The following IFNAR1 variants were observed in gnomAD, a reference collection of about 807,000 sequenced individuals.
IFNAR1 encodes interferon alpha/beta receptor 1.
A neutral mutation model predicts 62.1 loss-of-function variants in IFNAR1; 47 were observed. That is an observed-to-expected ratio of 0.76 (90% CI 0.60 to 0.97). The LOEUF (loss-of-function observed/expected upper bound fraction) is 0.97, where lower values mean the gene tolerates loss of function less well. IFNAR1 is among the 50% of genes least tolerant of loss of function. The pLI is 0.00. For missense variants in IFNAR1, 638 were observed against 654.5 expected, an observed-to-expected ratio of 0.97 and a Z score of 0.27; for synonymous variants, 219 against 226.9, an observed-to-expected ratio of 0.97 and a Z score of 0.31.
At chr21:33,342,025 A>G (rs1043939439) in intron 3 of IFNAR1, among the ~76,000 whole-genome samples, 6 of 152,162 alleles carry the variant, frequency 3.9e-5, no homozygotes, top group Non-Finnish European at 7.3e-5. Flanking sequence ...TGGATTGAAA[A>G]CTTTACCAGT....
At chr21:33,342,716 G>C (rs1390854327) in intron 3 of IFNAR1, among the ~76,000 whole-genome samples, 2 of 150,394 alleles carry the variant, frequency 1.3e-5, no homozygotes, top group African/African-American at 4.9e-5. Context: ...AACTAGCCGG[G>C]CATGGTGGCG....
At position 33,359,793 on chromosome 21, in the gene IFNAR1, A is replaced by G. The variant is rs2123287924; in HGVS notation, c.*4244A>G. The stretch of plus-strand genomic sequence containing the variant: ...TTTTACAGTGGACAAGGACACAAAT[A>G]ATAAATAAATCATCCCTAATGCCCA... On this transcript the variant is annotated 3_prime_UTR_variant, in exon 11 of 11. Coordinates refer to ENST00000270139, the MANE Select transcript of IFNAR1 (RefSeq NM_000629.3). The G allele has an allele frequency of 6.6e-6, 1 of 152,294 alleles. No homozygotes were observed. The highest frequency in any genetic ancestry group is 2.1e-4 in the South Asian group (1 of 4,828). 9.4% of individuals were successfully genotyped at this position (152,294 alleles called of 1,614,324 possible). A position where few individuals can be genotyped will look rare whatever the true frequency, so the allele number is the denominator to read the frequency against.
intron 8 of IFNAR1, among the ~76,000 whole-genome samples, chr21:33,351,257 G>A (rs570220176): frequency 2.0e-5 from 3 of 152,296 alleles, no homozygotes; most frequent in South Asian, 4.1e-4. Context: ...CCACCAGACC[G>A]TAGATGCTGG....
chr21:33,347,794 G>A (rs544587997), intron 6 of IFNAR1, among the ~76,000 whole-genome samples: 23 of 152,274 alleles, frequency 1.5e-4, no homozygotes, highest in African/African-American at 5.5e-4. Context: ...CAGGAATCTT[G>A]GGGGCCATCT....
chr21:33,328,070 C>T (rs940314015), intron 1 of IFNAR1, among the ~76,000 whole-genome samples: 2 of 152,172 alleles, frequency 1.3e-5, no homozygotes, highest in Non-Finnish European at 2.9e-5. Context: ...AACACAAATT[C>T]GTAAACTTTC....
chr21:33,331,930 C>T (rs1463343825), intron 1 of IFNAR1, among the ~76,000 whole-genome samples: 2 of 152,188 alleles, frequency 1.3e-5, no homozygotes, highest in African/African-American at 2.4e-5. Context: ...GAAGCACCTC[C>T]AGGTCACAAA....
chr21:33,352,033 G>A (rs992135604), intron 8 of IFNAR1, among the ~76,000 whole-genome samples: 5 of 152,046 alleles, frequency 3.3e-5, no homozygotes, highest in Admixed American at 1.3e-4. Flanking sequence ...ACAGATAGCA[G>A]CAATAACTGT....
Position 33,349,454 on chromosome 21 carries a change from G to A in IFNAR1, c.1054G>A (p.Ala352Thr), listed in dbSNP as rs1465600148. Residue 352 changes from alanine (A) to threonine (T), a missense_variant, in exon 8 of 11, where the codon GCT (alanine) becomes ACT (threonine). Ala to Thr is a moderately conservative substitution (Grantham distance 58). Coordinates refer to ENST00000270139, the MANE Select transcript of IFNAR1 (RefSeq NM_000629.3). ...TGATTCATTCCATATCTATATCGGT[G>A]CTCCAAAACAGTCTGGAAACACGCC... Reference protein sequence around the residue: ...LSDSFHIYIGAPKQSGNTPVI... With the variant: ...LSDSFHIYIGTPKQSGNTPVI... The A allele has an allele frequency of 6.2e-7, 1 of 1,610,818 alleles. No individual in the cohort carries two copies. Among genetic ancestry groups the A allele is most frequent in the East Asian group, 2.2e-5 (1 of 44,838 alleles).
Position 33,343,276 on chromosome 21 carries a change from G to C in IFNAR1, c.385G>C (p.Gly129Arg). ...SFTPFRKAQI[G>R]PPEVHLEAED... ...TTTTGATTTTTTTGCAGCTCAGATTGGTCCTCCAGAAGTACATTTAGAAGC... is the reference window on the plus strand; with the variant it reads ...TTTTGATTTTTTTGCAGCTCAGATTCGTCCTCCAGAAGTACATTTAGAAGC... Residue 129 changes from glycine to arginine, a missense_variant, in exon 4 of 11, where the codon GGT becomes CGT. Gly to Arg is a moderately radical substitution (Grantham distance 125, BLOSUM62 -2). Coordinates refer to ENST00000270139, the MANE Select transcript of IFNAR1 (RefSeq NM_000629.3). 6.2e-7 allele frequency: 1 copy of C among 1,610,794 alleles called. No individual in the cohort carries two copies. Among genetic ancestry groups the C allele is most frequent in the East Asian group, 2.2e-5 (1 of 44,842 alleles).
chr21:33,329,566 T>G (rs532026845), intron 1 of IFNAR1, among the ~76,000 whole-genome samples: 1 of 152,114 alleles, frequency 6.6e-6, no homozygotes, highest in Non-Finnish European at 1.5e-5. Context: ...GTTAAGAAAG[T>G]TCTATACAAG....
intron 2 of IFNAR1, among the ~76,000 whole-genome samples, chr21:33,337,946 TAG>T (rs1013082525): frequency 3.9e-5 from 6 of 152,128 alleles, no homozygotes; most frequent in Non-Finnish European, 5.9e-5. Flanking sequence ...CTATTTTAGG[TAG>T]AGAAGGAATT....
At chr21:33,338,213 C>A (rs1361896651) in intron 2 of IFNAR1, among the ~76,000 whole-genome samples, 1 of 151,900 alleles carries the variant, frequency 6.6e-6, no homozygotes, top group Non-Finnish European at 1.5e-5. Context: ...ATATTGTCTC[C>A]CCGCAGTCAG....
At chr21:33,335,226 C>T in intron 1 of IFNAR1, 1 of 442,208 alleles carries the variant, frequency 2.3e-6, no homozygotes. Flanking sequence ...ATCGGTGTCA[C>T]TTCTAAGACC....
rs752545951 is a variant in IFNAR1 at position 33,325,033 on chromosome 21, G to A, written c.-23G>A. 1.3e-6 allele frequency: 2 copies of A among 1,577,822 alleles called. No individual in the cohort carries two copies. The highest frequency in any genetic ancestry group is 2.7e-5 in the African/African-American group (2 of 74,288). On this transcript the variant is annotated 5_prime_UTR_variant, in exon 1 of 11. In the 5' UTR this introduces an upstream ATG that the reference lacks. Transcript: ENST00000270139. ...CTGCGCGTGCGCGAACATGTAACTG[G>A]TGGGATCTGCGGCGGCTCCCAGATG...
At chr21:33,352,002 T>G (rs1038313636) in intron 8 of IFNAR1, among the ~76,000 whole-genome samples, 8 of 152,034 alleles carry the variant, frequency 5.3e-5, no homozygotes, top group Non-Finnish European at 8.8e-5. Flanking sequence ...TTAGACATTA[T>G]TCTGGCGATA....
intron 2 of IFNAR1, among the ~76,000 whole-genome samples, chr21:33,337,637 CTA>C (rs77834646): frequency 0.4 from 57,169 of 144,196 alleles, 11,052 homozygotes; most frequent in Middle Eastern, 0.47. Flanking sequence ...CATATATACA[CTA>C]TATATATACA....
intron 3 of IFNAR1, among the ~76,000 whole-genome samples, chr21:33,342,701 A>AC (rs1394207733): frequency 1.4e-5 from 2 of 147,124 alleles, no homozygotes; most frequent in Non-Finnish European, 3.0e-5. Flanking sequence ...AAAAAAAAAA[A>AC]AAAAAACTAG....
At chr21:33,340,274 G>A (rs1266752995) in intron 2 of IFNAR1, among the ~76,000 whole-genome samples, 1 of 152,056 alleles carries the variant, frequency 6.6e-6, no homozygotes, top group Non-Finnish European at 1.5e-5. Flanking sequence ...CTGATTCTGA[G>A]GTCTTTCTTA....
Position 33,334,874 on chromosome 21 carries a change from G to A in IFNAR1, c.77-650G>A, listed in dbSNP as rs1422434468. The stretch of plus-strand genomic sequence containing the variant: ...CAGTTATGATGCAGTTAACACAGAG[G>A]GGAAAGCTGCTGAGATACACTATAC... On this transcript the variant is annotated intron_variant, in intron 1 of 10. Coordinates refer to ENST00000270139, the MANE Select transcript of IFNAR1 (RefSeq NM_000629.3). 3.9e-6 allele frequency: 5 copies of A among 1,290,552 alleles called. No homozygotes were observed. The Admixed American group carries it at 5.1e-5, about 13-fold the overall frequency. The allele number at this position is 1,290,552 out of a possible 1,614,324, so 79.9% of individuals were successfully genotyped here. A position where few individuals can be genotyped will look rare whatever the true frequency, so the allele number is the denominator to read the frequency against.
Sources: gnomAD v4.1 joint callset for allele counts (sites outside exome capture counted in the v4.1 genomes callset) on GRCh38, gnomAD v4.1.1 for gene constraint, MANE v1.5 for transcripts, NCBI Gene and HGNC (gene_info 2026-07-23, HGNC 2026-07-21) for gene names.